Variants in DPP10 observed in about 807,000 individuals in gnomAD.
DPP10 encodes inactive dipeptidyl peptidase 10.
DPP10 carries 33 observed loss-of-function variants against 120.9 expected under a neutral mutation model. That is an observed-to-expected ratio of 0.27 (90% CI 0.21 to 0.37). DPP10 has a LOEUF of 0.37. Among genes scored for constraint, DPP10 ranks in the 10% least tolerant of loss-of-function variants. DPP10 has a pLI of 1.00. For synonymous variants in DPP10, 337 were observed against 326.1 expected, an observed-to-expected ratio of 1.03 and a Z score of -0.36; for missense variants, 816 against 942.8, an observed-to-expected ratio of 0.87 and a Z score of 1.76.
At chr2:114,577,695 G>A (rs946356456) in intron 1 of DPP10, among the ~76,000 whole-genome samples, 1 of 152,126 alleles carries the variant, frequency 6.6e-6, no homozygotes, top group Non-Finnish European at 1.5e-5. Context: ...TCACGGTTCT[G>A]GAGGCTGCAA....
chr2:115,671,938 A>T (rs1433045991), intron 5 of DPP10, among the ~76,000 whole-genome samples: 1 of 152,180 alleles, frequency 6.6e-6, no homozygotes, highest in Non-Finnish European at 1.5e-5. Context: ...GTGACAACTG[A>T]TATGTAAAAC....
At chr2:115,529,862 G>A (rs2078357872) in intron 5 of DPP10, among the ~76,000 whole-genome samples, 1 of 152,070 alleles carries the variant, frequency 6.6e-6, no homozygotes, top group Non-Finnish European at 1.5e-5. Context: ...TCTAAACACA[G>A]AAACTGAAAC....
intron 1 of DPP10, among the ~76,000 whole-genome samples, chr2:114,688,551 T>A (rs911455578): frequency 6.6e-6 from 1 of 151,880 alleles, no homozygotes; most frequent in African/African-American, 2.4e-5. Context: ...GAGACAGCAC[T>A]TTTCCCTTCT....
chr2:115,224,570 A>T (rs754854920), intron 1 of DPP10, among the ~76,000 whole-genome samples: 29 of 152,226 alleles, frequency 1.9e-4, no homozygotes, highest in African/African-American at 6.7e-4. Context: ...ATAAAATTTC[A>T]GTTAGAGGAA....
At chr2:114,888,458 A>G (rs978441078) in intron 1 of DPP10, among the ~76,000 whole-genome samples, 3 of 152,232 alleles carry the variant, frequency 2.0e-5, no homozygotes, top group Admixed American at 6.5e-5. Flanking sequence ...TATAATGATC[A>G]AGATTAAAGA....
intron 1 of DPP10, among the ~76,000 whole-genome samples, chr2:115,079,384 A>AAAAAAAAAAGAG (rs1708078774): frequency 6.6e-6 from 1 of 152,082 alleles, no homozygotes; most frequent in Non-Finnish European, 1.5e-5. Flanking sequence ...AAAAAAAAGA[A>AAAAAAAAAAGAG]AAAAAGAAAA....
chr2:115,281,248 G>A (rs1336014942), intron 1 of DPP10, among the ~76,000 whole-genome samples: 1 of 152,096 alleles, frequency 6.6e-6, no homozygotes, highest in East Asian at 1.9e-4. Context: ...TAAAACTTCG[G>A]CTTTTCATTT....
Position 115,672,648 on chromosome 2 carries a change from C to CTA in DPP10, c.442-17038_442-17037insAT, listed in dbSNP as rs1244255994. ...TCTTTCTTTCTTTCTTTCTTTCTCT[C>CTA]TCTCTTTCTTTCTTTCTTTCTCTCT... On this transcript the variant is annotated intron_variant, in intron 5 of 25. Transcript: ENST00000410059. Among the ~76,000 whole-genome samples, 20 of 121,588 alleles carry CTA rather than the reference C, an allele frequency of 1.6e-4. No homozygotes were observed. The East Asian group carries it at 4.4e-3, about 27-fold the overall frequency. The allele number at this position is 121,588 out of a possible 152,430, so 79.8% of individuals were successfully genotyped here.
At chr2:114,955,992 A>G (rs1698174498) in intron 1 of DPP10, among the ~76,000 whole-genome samples, 1 of 152,174 alleles carries the variant, frequency 6.6e-6, no homozygotes, top group African/African-American at 2.4e-5. Context: ...AACATCATCA[A>G]ACTAAATGGT....
At chr2:114,662,007 C>CA (rs1210054014) in intron 1 of DPP10, among the ~76,000 whole-genome samples, 3,557 of 130,590 alleles carry the variant, frequency 0.027, 74 homozygotes, top group African/African-American at 0.06. Context: ...ACTCCGTCTC[C>CA]AAAAAAAAAA....
intron 3 of DPP10, among the ~76,000 whole-genome samples, chr2:115,365,191 A>G (rs781725489): frequency 9.9e-5 from 15 of 152,110 alleles, no homozygotes; most frequent in Non-Finnish European, 1.9e-4. Flanking sequence ...CTGGAACTAG[A>G]CAGACTGTGA....
chr2:115,315,468 T>C (rs1282446670), intron 2 of DPP10, among the ~76,000 whole-genome samples: 1 of 152,192 alleles, frequency 6.6e-6, no homozygotes, highest in Non-Finnish European at 1.5e-5. Context: ...GTTAAAATGT[T>C]ATGTTGTACT....
At chr2:114,847,348 A>G (rs1409057974) in intron 1 of DPP10, among the ~76,000 whole-genome samples, 2 of 152,102 alleles carry the variant, frequency 1.3e-5, no homozygotes, top group Admixed American at 6.6e-5. Context: ...TTCAGCAATC[A>G]TGCTTGACTT....
chr2:114,544,719 T>C (rs1687234832), intron 1 of DPP10, among the ~76,000 whole-genome samples: 1 of 152,030 alleles, frequency 6.6e-6, no homozygotes. Flanking sequence ...AATTTATTGA[T>C]TATATTTATA....
At chr2:115,739,712 G>T in intron 8 of DPP10, 27 bp from the exon 9 acceptor site, 2 of 1,610,542 alleles carry the variant, frequency 1.2e-6, no homozygotes, top group East Asian at 2.2e-5. Flanking sequence ...TCTACAGTTG[G>T]TCTCAAATAA....
chr2:115,805,117 A>G (rs939992104), intron 19 of DPP10, among the ~76,000 whole-genome samples: 1 of 151,962 alleles, frequency 6.6e-6, no homozygotes, highest in African/African-American at 2.4e-5. Flanking sequence ...TATCTACTCA[A>G]GCCTCAGCAA....
At chr2:114,446,729 T>C (rs1047350567) in intron 1 of DPP10, among the ~76,000 whole-genome samples, 6 of 152,204 alleles carry the variant, frequency 3.9e-5, no homozygotes, top group Non-Finnish European at 1.5e-5. Context: ...GCAAACTTTT[T>C]CATGGTGATT....
intron 1 of DPP10, among the ~76,000 whole-genome samples, chr2:115,121,506 C>T (rs2049822505): frequency 6.6e-6 from 1 of 152,186 alleles, no homozygotes; most frequent in South Asian, 2.1e-4. Flanking sequence ...CAGTTTAAGG[C>T]CTTTATTGGA....
At chr2:114,760,975 C>T (rs1035014147) in intron 1 of DPP10, among the ~76,000 whole-genome samples, 2 of 152,118 alleles carry the variant, frequency 1.3e-5, no homozygotes, top group Admixed American at 6.5e-5. Flanking sequence ...AAAAATTTTT[C>T]TTGACTACTT....
Sources: allele counts gnomAD v4.1 joint callset (sites outside exome capture counted in the v4.1 genomes callset), GRCh38; gene constraint gnomAD v4.1.1; transcripts MANE v1.5; gene names NCBI Gene and HGNC (gene_info 2026-07-23, HGNC 2026-07-21).